Variants in SCN8A observed in about 807,000 individuals in gnomAD.
SCN8A encodes the protein sodium channel protein type 8 subunit alpha.
In SCN8A, 30 loss-of-function variants were observed where a neutral mutation model predicts 184.1. The ratio of observed to expected loss-of-function variants is 0.16; its 90% CI spans 0.12 to 0.22. The LOEUF is 0.22. SCN8A is among the 10% of genes least tolerant of loss of function. The probability of loss-of-function intolerance (pLI) is 1.00; values close to 1 mark genes in which losing one functional copy is unlikely to be tolerated. For missense variants in SCN8A, 1,057 were observed against 2,498.9 expected (o/e 0.42, Z 12.30); for synonymous variants, 852 against 907.0 (o/e 0.94, Z 1.09).
In SCN8A at chr12:51,706,494, G is replaced by A. The variant is rs1298177137; in HGVS notation, c.1414G>A (p.Gly472Ser). Residue 472 changes from glycine (G) to serine (S), a missense_variant, in exon 11 of 27, where the codon GGC (glycine) becomes AGC (serine). Around this residue, in one of 19 missense-constraint regions of SCN8A, gnomAD observed 322 missense variants for 390.1 expected, o/e 0.83. Coordinates refer to ENST00000627620, the MANE Select transcript of SCN8A (RefSeq NM_001330260.2). ...AIEEEGEEGG[G>S]SPRSSSEISK... ...AGAGGAAGAAGGTGAAGAAGGAGGGGGCTCCCCTCGGAGCTCTTCTGAAAT... is the reference window on the plus strand; with the variant it reads ...AGAGGAAGAAGGTGAAGAAGGAGGGAGCTCCCCTCGGAGCTCTTCTGAAAT... 1.2e-6 allele frequency: 2 copies of A among 1,605,276 alleles called. No homozygotes were observed. Among genetic ancestry groups the A allele is most frequent in the African/African-American group, 1.3e-5 (1 of 74,830 alleles).
chr12:51,677,715 A>G (rs1466560167), intron 2 of SCN8A, among the ~76,000 whole-genome samples: 1 of 152,208 alleles, frequency 6.6e-6, no homozygotes, highest in Admixed American at 6.5e-5. Context: ...CAGAAGGCTC[A>G]TTTTATGCCA....
chr12:51,801,031 G>T (rs1045374848), intron 26 of SCN8A, among the ~76,000 whole-genome samples: 3 of 152,182 alleles, frequency 2.0e-5, no homozygotes, highest in Admixed American at 6.5e-5. Flanking sequence ...TTAGCCTTTT[G>T]TCCACTTGAC....
At chr12:51,671,794 T>G (rs1287781482) in intron 2 of SCN8A, among the ~76,000 whole-genome samples, 1 of 152,216 alleles carries the variant, frequency 6.6e-6, no homozygotes, top group Non-Finnish European at 1.5e-5. Context: ...TGACACAACT[T>G]AAGATCAGGA....
In SCN8A at chr12:51,808,488, T is replaced by A. The variant is rs1423572995; in HGVS notation, c.*1059T>A. On this transcript the variant is annotated 3_prime_UTR_variant, in exon 27 of 27. Transcript: ENST00000627620. ...TCCCAAATGGCTTGTACTATTTATG[T>A]CACTGTAAAACCAAATCCTAGGGCT... is the stretch of plus-strand genomic sequence containing the variant. 1 of 152,632 alleles carries A rather than the reference T, an allele frequency of 6.6e-6. No individual in the cohort carries two copies. Among genetic ancestry groups the A allele is most frequent in the African/African-American group, 2.4e-5 (1 of 41,440 alleles). 9.5% of individuals were successfully genotyped at this position (152,632 alleles called of 1,614,324 possible).
chr12:51,758,728 G>A (rs553082462), intron 14 of SCN8A, among the ~76,000 whole-genome samples: 2 of 152,282 alleles, frequency 1.3e-5, no homozygotes, highest in East Asian at 1.9e-4. Flanking sequence ...GTGAGCCACC[G>A]TGCCTGGCCT....
intron 13 of SCN8A, among the ~76,000 whole-genome samples, chr12:51,749,186 A>T (rs1054997153): frequency 1.3e-5 from 2 of 152,172 alleles, no homozygotes; most frequent in African/African-American, 4.8e-5. Flanking sequence ...CTGAAGCTCC[A>T]CATTGTCTTA....
intron 2 of SCN8A, among the ~76,000 whole-genome samples, chr12:51,678,635 G>C (rs1165983053): frequency 6.6e-6 from 1 of 152,196 alleles, no homozygotes; most frequent in Non-Finnish European, 1.5e-5. Flanking sequence ...GGCAGAGGCA[G>C]GGAAGAAGGA....
chr12:51,637,297 G>T (rs879501713), intron 1 of SCN8A, among the ~76,000 whole-genome samples: 3 of 152,116 alleles, frequency 2.0e-5, no homozygotes, highest in Non-Finnish European at 4.4e-5. Context: ...GCCTCTTAGT[G>T]TTCAAGTAAA....
intron 2 of SCN8A, among the ~76,000 whole-genome samples, chr12:51,677,305 C>G (rs1941238976): frequency 6.6e-6 from 1 of 151,850 alleles, no homozygotes; most frequent in African/African-American, 2.4e-5. Context: ...CCAGGCTGAT[C>G]TCGAACTCCT....
At chr12:51,680,093 T>C (rs1941304129) in intron 2 of SCN8A, among the ~76,000 whole-genome samples, 1 of 152,230 alleles carries the variant, frequency 6.6e-6, no homozygotes, top group African/African-American at 2.4e-5. Flanking sequence ...AAAACATGTT[T>C]TATTGTAATA....
At chr12:51,594,659 A>G (rs1262231575) in intron 1 of SCN8A, among the ~76,000 whole-genome samples, 1 of 152,198 alleles carries the variant, frequency 6.6e-6, no homozygotes, top group Non-Finnish European at 1.5e-5. Flanking sequence ...TTATAAAAAT[A>G]CATACTTATT....
chr12:51,802,687 G>A (rs2138935274), intron 26 of SCN8A, among the ~76,000 whole-genome samples: 1 of 152,272 alleles, frequency 6.6e-6, no homozygotes, highest in East Asian at 1.9e-4. Flanking sequence ...AGTGAACTTA[G>A]GAGAACCAAC....
At chr12:51,628,358 A>C (rs1432418149) in intron 1 of SCN8A, among the ~76,000 whole-genome samples, 1 of 152,252 alleles carries the variant, frequency 6.6e-6, no homozygotes, top group Admixed American at 6.5e-5. Context: ...CTTAATGCTT[A>C]CAAAGTCCCT....
chr12:51,702,767 C>A lies in SCN8A; in HGVS notation c.993-6C>A. On this transcript the variant is annotated splice_polypyrimidine_tract_variant and splice_region_variant and intron_variant, in intron 8 of 26. Coordinates refer to ENST00000627620, the MANE Select transcript of SCN8A (RefSeq NM_001330260.2). ...AAAAGTCCTGAACTTCCCTTTCTTT[C>A]TTTAGGCAATGCCCAGAGGGATACC... 1 of 1,574,298 alleles carries A rather than the reference C, an allele frequency of 6.4e-7. No homozygotes were observed. The highest frequency in any genetic ancestry group is 1.8e-5 in the Admixed American group (1 of 55,204).
At chr12:51,645,520 A>T (rs1239698947) in intron 1 of SCN8A, among the ~76,000 whole-genome samples, 1 of 151,894 alleles carries the variant, frequency 6.6e-6, no homozygotes, top group Non-Finnish European at 1.5e-5. Context: ...GAAAGGGGGG[A>T]AAGGTGGGGA....
chr12:51,615,539 TA>T (rs1050274155), intron 1 of SCN8A, among the ~76,000 whole-genome samples: 2 of 151,898 alleles, frequency 1.3e-5, no homozygotes, highest in African/African-American at 4.8e-5. Flanking sequence ...GGCAGCAGGG[TA>T]AAACCCTGTC....
chr12:51,783,264 T>C (rs1360553409), intron 21 of SCN8A, among the ~76,000 whole-genome samples: 1 of 152,164 alleles, frequency 6.6e-6, no homozygotes, highest in Non-Finnish European at 1.5e-5. Flanking sequence ...ATAAACAGAA[T>C]TAGGTACACA....
At position 51,788,684 on chromosome 12, in the gene SCN8A, C is replaced by G. The variant is rs1282598348; in HGVS notation, c.4228-11C>G. 1 of 1,605,320 alleles carries G rather than the reference C, an allele frequency of 6.2e-7. No homozygotes were observed. Among genetic ancestry groups the G allele is most frequent in the Non-Finnish European group, 8.5e-7 (1 of 1,174,864 alleles). ...TATAGGCACCGTCTAATGACTGACT[C>G]TGTTTGCCAGGCAACCTTCAAAGGC... On this transcript the variant is annotated splice_polypyrimidine_tract_variant and intron_variant, in intron 22 of 26. Transcript: ENST00000627620.
At chr12:51,617,519 T>A (rs1939866650) in intron 1 of SCN8A, among the ~76,000 whole-genome samples, 1 of 152,230 alleles carries the variant, frequency 6.6e-6, no homozygotes. Flanking sequence ...TCAAGACTGT[T>A]TGCCTTTCCT....
Sources: allele counts gnomAD v4.1 joint callset (sites outside exome capture counted in the v4.1 genomes callset), GRCh38; gene constraint gnomAD v4.1.1; regional missense constraint gnomAD v4.1.1; transcripts MANE v1.5; gene names NCBI Gene and HGNC (gene_info 2026-07-23, HGNC 2026-07-21).